ADGRB1: variants seen among roughly 807,000 people sequenced by gnomAD.
ADGRB1 encodes brain-specific angiogenesis inhibitor 1.
Under a neutral mutation model 175.7 loss-of-function variants are expected in ADGRB1, and 36 were observed. The ratio of observed to expected loss-of-function variants is 0.20; its 90% confidence interval spans 0.16 to 0.27. The LOEUF is 0.27. ADGRB1 is among the 10% of genes least tolerant of loss of function. The pLI is 1.00. For synonymous variants in ADGRB1, 1,054 were observed against 979.4 expected, an observed-to-expected ratio of 1.08 and a Z score of -1.42; for missense variants, 1,731 against 2,255.3, an observed-to-expected ratio of 0.77 and a Z score of 4.71.
intron 11 of ADGRB1, among the ~76,000 whole-genome samples, chr8:142,483,065 CAGA>C (rs1841450241): frequency 6.7e-6 from 1 of 150,086 alleles, no homozygotes; most frequent in Non-Finnish European, 1.5e-5. Context: ...TGGTTACACT[CAGA>C]ACCCTGACAC....
intron 25 of ADGRB1, 89 bp from the exon 26 acceptor site, chr8:142,536,898 G>T: frequency 1.8e-6 from 2 of 1,141,134 alleles, no homozygotes; most frequent in Non-Finnish European, 1.2e-6. Context: ...CGAGACGCCC[G>T]CCCCCCCACA....
intron 9 of ADGRB1, among the ~76,000 whole-genome samples, chr8:142,480,196 G>A (rs377418839): frequency 2.0e-5 from 3 of 152,186 alleles, no homozygotes; most frequent in African/African-American, 4.8e-5. Context: ...GGAAGGGCTC[G>A]CTGCACTAGG....
chr8:142,517,596 G>A (rs1049763603), intron 18 of ADGRB1, among the ~76,000 whole-genome samples: 2 of 152,038 alleles, frequency 1.3e-5, no homozygotes, highest in African/African-American at 4.8e-5. Context: ...GTGGGAGGGG[G>A]AGGGCTTTGG....
intron 24 of ADGRB1, among the ~76,000 whole-genome samples, chr8:142,532,018 G>C (rs1477002643): frequency 6.6e-6 from 1 of 152,160 alleles, no homozygotes; most frequent in South Asian, 2.1e-4. Flanking sequence ...TGTCCTGGCA[G>C]ACTCCAGGTC....
intron 1 of ADGRB1, among the ~76,000 whole-genome samples, chr8:142,460,541 C>T (rs1461147176): frequency 1.3e-5 from 2 of 152,186 alleles, no homozygotes; most frequent in African/African-American, 4.8e-5. Context: ...CCCACACCCC[C>T]CTGACTTGCT....
chr8:142,478,027 T>C (rs1318905245), intron 6 of ADGRB1, among the ~76,000 whole-genome samples, 160 bp from the exon 7 acceptor site: 1 of 147,094 alleles, frequency 6.8e-6, no homozygotes, highest in East Asian at 2.0e-4. Flanking sequence ...TTCTCACCCA[T>C]GTCACAGGCT....
At chr8:142,452,477 G>C (rs180844542) in intron 1 of ADGRB1, among the ~76,000 whole-genome samples, 14 of 152,314 alleles carry the variant, frequency 9.2e-5, no homozygotes, top group African/African-American at 3.1e-4. Flanking sequence ...AGCCCTCGGA[G>C]GCCCTTCCCT....
intron 26 of ADGRB1, among the ~76,000 whole-genome samples, chr8:142,538,052 C>T (rs984458741): frequency 2.5e-4 from 38 of 152,342 alleles, no homozygotes; most frequent in African/African-American, 8.9e-4. Context: ...GCAGAACCCG[C>T]AGCTGTGCTG....
At chr8:142,520,567 TGTG>T (rs1178892269) in intron 19 of ADGRB1, among the ~76,000 whole-genome samples, 16 of 86,030 alleles carry the variant, frequency 1.9e-4, no homozygotes, top group South Asian at 4.2e-4. Context: ...ATGGTGATGG[TGTG>T]GTGGTGGTGA....
At chr8:142,469,204 T>C (rs889083607) in intron 2 of ADGRB1, among the ~76,000 whole-genome samples, 22 of 151,694 alleles carry the variant, frequency 1.5e-4, no homozygotes, top group Non-Finnish European at 1.5e-4. Flanking sequence ...TGTGCATGTG[T>C]GAATGTGTGT....
rs749590609 is a variant in ADGRB1, at chr8:142,479,519, G to A, written c.1726+32G>A. On this transcript the variant is annotated intron_variant, in intron 8 of 30. Transcript: ENST00000517894. Reference sequence around the variant, plus strand: ...CCCCTCCTACCTGGGCTGGGCTCTGGGGAGGGCTGATGGCGATTGGGCGGG... The same window carrying A: ...CCCCTCCTACCTGGGCTGGGCTCTGAGGAGGGCTGATGGCGATTGGGCGGG... 2.6e-6 allele frequency: 4 copies of A among 1,525,406 alleles called. No homozygotes were observed. The African/African-American group carries it at 4.2e-5, about 16-fold the overall frequency. 94.5% of individuals were successfully genotyped at this position (1,525,406 alleles called of 1,614,324 possible). A position where few individuals can be genotyped will look rare whatever the true frequency, so the allele number is the denominator to read the frequency against.
At position 142,477,474 on chromosome 8, in the gene ADGRB1, C is replaced by A; in HGVS notation, c.1312C>A (p.Pro438Thr). ...GFRDRTRTCR[P>T]PQFGGNPCEG... Reference sequence around the variant, plus strand: ...TCGGGATCGCACGCGCACCTGCAGGCCCCCCCAGTTTGGGGGCAACCCCTG... The same window carrying A: ...TCGGGATCGCACGCGCACCTGCAGGACCCCCCAGTTTGGGGGCAACCCCTG... The change falls in exon 6 of 31, where the codon CCC (proline) becomes ACC (threonine). Residue 438 changes from proline to threonine, a missense_variant. By Grantham distance (38) the Pro-to-Thr change is conservative (BLOSUM62 -1). Transcript: ENST00000517894. 2 of 1,612,702 alleles carry A rather than the reference C, an allele frequency of 1.2e-6. No individual in the cohort carries two copies. Among genetic ancestry groups the A allele is most frequent in the South Asian group, 1.1e-5 (1 of 91,056 alleles).
At chr8:142,533,842 T>A (rs1401197898) in intron 25 of ADGRB1, among the ~76,000 whole-genome samples, 1 of 152,182 alleles carries the variant, frequency 6.6e-6, no homozygotes, top group Non-Finnish European at 1.5e-5. Flanking sequence ...TCTGGATCTT[T>A]CCAGAAGGTG....
chr8:142,497,383 G>A (rs570554877), intron 17 of ADGRB1, among the ~76,000 whole-genome samples: 2 of 152,158 alleles, frequency 1.3e-5, no homozygotes, highest in African/African-American at 4.8e-5. Flanking sequence ...GCAGGCCAAG[G>A]GGGGGGAAGC....
At chr8:142,456,865 T>A (rs1333174128) in intron 1 of ADGRB1, among the ~76,000 whole-genome samples, 1 of 152,200 alleles carries the variant, frequency 6.6e-6, no homozygotes, top group East Asian at 1.9e-4. Context: ...CCAGGCTGAG[T>A]GCAGCCTCCT....
Position 142,464,486 on chromosome 8 carries a change from C to G in ADGRB1, c.288C>G (p.Pro96=), listed in dbSNP as rs768732119. 6.3e-7 allele frequency: 1 copy of G among 1,580,924 alleles called. No individual in the cohort carries two copies. Among genetic ancestry groups the G allele is most frequent in the Non-Finnish European group, 8.6e-7 (1 of 1,168,246 alleles). The part of the protein sequence containing the change: ...VAKAPVPCSG[P]GRVRTYQFDS... ...AGGCGCCCGTGCCCTGCAGCGGCCC[C>G]GGCCGCGTGCGCACCTACCAGTTCG... The change falls in exon 2 of 31, where the codon CCC becomes CCG. Residue 96 remains proline, a synonymous_variant. Transcript: ENST00000517894.
intron 5 of ADGRB1, 46 bp downstream of exon 5, chr8:142,477,324 G>GT: frequency 7.1e-7 from 1 of 1,411,578 alleles, no homozygotes. Flanking sequence ...AGGGCAGCGG[G>GT]GGGCCAGGGC....
intron 1 of ADGRB1, among the ~76,000 whole-genome samples, chr8:142,453,449 A>G (rs1040863160): frequency 3.2e-4 from 48 of 152,150 alleles, no homozygotes. Context: ...CCAGGAGGGT[A>G]TTGTTAACCC....
At chr8:142,469,284 A>C (rs1014052721) in intron 2 of ADGRB1, among the ~76,000 whole-genome samples, 2 of 137,674 alleles carry the variant, frequency 1.5e-5, no homozygotes, top group Non-Finnish European at 3.1e-5. Flanking sequence ...CAGGTGAGTG[A>C]ATGTGTGTGC....
Sources: allele counts gnomAD v4.1 joint callset (sites outside exome capture counted in the v4.1 genomes callset), GRCh38; gene constraint gnomAD v4.1.1; transcripts MANE v1.5; gene names NCBI Gene and HGNC (gene_info 2026-07-23, HGNC 2026-07-21).